Variants in LRRC37A2 observed in about 807,000 individuals in gnomAD.
The protein encoded by LRRC37A2 is leucine rich repeat containing 37 member A2, also known as leucine-rich repeat-containing protein 37A2.
Under a neutral mutation model 68.8 loss-of-function variants are expected in LRRC37A2, and 9 were observed. The observed-to-expected ratio is 0.13, with a 90% confidence interval of 0.08 to 0.23. The LOEUF is 0.23. Ranked by LOEUF, LRRC37A2 falls within the 10% of genes least tolerant of loss-of-function variation. The pLI is 1.00. For missense variants in LRRC37A2, 168 were observed against 950.4 expected (o/e 0.18, Z 10.82); for synonymous variants, 63 against 367.6 (o/e 0.17, Z 9.48).
chr17:46,879,185 G>A, the LRRC37A2 span, among the ~76,000 whole-genome samples: 4 of 152,222 alleles, frequency 2.6e-5, no homozygotes, highest in African/African-American at 9.6e-5. Flanking sequence ...TTCACAGACA[G>A]CACAGGTGGG....
At chr17:46,659,823 G>GT in the LRRC37A2 span, among the ~76,000 whole-genome samples, 3 of 142,460 alleles carry the variant, frequency 2.1e-5, no homozygotes, top group Non-Finnish European at 4.5e-5. Flanking sequence ...TCAGCATTGG[G>GT]GCCTTGTTTG....
chr17:46,900,204 CACACACACACACACACAT>C, the LRRC37A2 span, among the ~76,000 whole-genome samples: 1 of 112,078 alleles, frequency 8.9e-6, no homozygotes, highest in African/African-American at 4.5e-5. Flanking sequence ...TATATATATA[CACACACACACACACACAT>C]ATATATATAT....
chr17:47,020,564 G>C, the LRRC37A2 span, among the ~76,000 whole-genome samples: 1 of 150,818 alleles, frequency 6.6e-6, no homozygotes, highest in South Asian at 2.1e-4. Context: ...CGGATCACGA[G>C]GTCAGGAGAT....
chr17:46,777,318 T>C, the LRRC37A2 span, among the ~76,000 whole-genome samples: 1 of 152,360 alleles, frequency 6.6e-6, no homozygotes, highest in South Asian at 2.1e-4. Flanking sequence ...CTTGGGGGAC[T>C]GAGGAGTCGG....
chr17:46,820,480 A>AG, the LRRC37A2 span, among the ~76,000 whole-genome samples: 1 of 151,418 alleles, frequency 6.6e-6, no homozygotes, highest in Non-Finnish European at 1.5e-5. Context: ...AGAAAGGGGC[A>AG]GGGGGGAGGC....
chr17:46,961,491 C>T, the LRRC37A2 span, among the ~76,000 whole-genome samples: 1 of 152,042 alleles, frequency 6.6e-6, no homozygotes, highest in African/African-American at 2.4e-5. Context: ...GCTATGATCA[C>T]GCCATTGCAC....
the LRRC37A2 span, among the ~76,000 whole-genome samples, chr17:46,775,332 T>A: frequency 6.6e-6 from 1 of 152,174 alleles, no homozygotes; most frequent in Admixed American, 6.5e-5. Flanking sequence ...GGGTCCCTCC[T>A]CCATACTTGA....
At chr17:46,405,694 C>T in the LRRC37A2 span, among the ~76,000 whole-genome samples, 3 of 68,020 alleles carry the variant, frequency 4.4e-5, no homozygotes, top group Admixed American at 4.0e-4. Flanking sequence ...GCCGAGATCA[C>T]GCCACTGCAC....
chr17:46,866,971 C>G, the LRRC37A2 span, among the ~76,000 whole-genome samples: 400 of 152,314 alleles, frequency 2.6e-3, 2 homozygotes, highest in African/African-American at 9.3e-3. Flanking sequence ...CCTCTTGCCT[C>G]CTCCTCACCC....
chr17:46,721,083 C>T, the LRRC37A2 span, among the ~76,000 whole-genome samples: 1 of 152,202 alleles, frequency 6.6e-6, no homozygotes, highest in Non-Finnish European at 1.5e-5. Context: ...TTCAGACCTG[C>T]CCCTAATCCC....
chr17:46,743,355 C>G, the LRRC37A2 span, among the ~76,000 whole-genome samples: 1 of 152,192 alleles, frequency 6.6e-6, no homozygotes, highest in Non-Finnish European at 1.5e-5. Context: ...CCCACCTGTT[C>G]AGATGCTTGC....
At chr17:46,903,862 G>T in the LRRC37A2 span, among the ~76,000 whole-genome samples, 2 of 151,650 alleles carry the variant, frequency 1.3e-5, no homozygotes, top group Non-Finnish European at 2.9e-5. Context: ...GTGGGTGGAT[G>T]TAGGGATGAG....
At chr17:46,885,313 T>C in the LRRC37A2 span, 5 of 252,658 alleles carry the variant, frequency 2.0e-5, no homozygotes, top group African/African-American at 4.8e-5. Context: ...GCCAGCATTT[T>C]TTTTTTTGAG....
the LRRC37A2 span, among the ~76,000 whole-genome samples, chr17:46,801,001 A>T: frequency 6.6e-6 from 1 of 152,198 alleles, no homozygotes; most frequent in East Asian, 1.9e-4. Context: ...GTAACATGAA[A>T]TTAATGTCAG....
chr17:46,849,426 C>G, the LRRC37A2 span, among the ~76,000 whole-genome samples: 1 of 152,198 alleles, frequency 6.6e-6, no homozygotes, highest in Non-Finnish European at 1.5e-5. Flanking sequence ...TGAGCTGAAC[C>G]CACTCCATCC....
the LRRC37A2 span, among the ~76,000 whole-genome samples, chr17:46,831,777 C>T: frequency 7.9e-5 from 12 of 152,234 alleles, no homozygotes; most frequent in African/African-American, 1.4e-4. Flanking sequence ...TGTGTGTCCC[C>T]GGACAAGGCA....
At chr17:46,912,333 G>A in the LRRC37A2 span, among the ~76,000 whole-genome samples, 1 of 152,238 alleles carries the variant, frequency 6.6e-6, no homozygotes, top group Admixed American at 6.5e-5. Flanking sequence ...GCTCACAGGT[G>A]ATGGGGTTAA....
chr17:46,729,167 C>G, the LRRC37A2 span, among the ~76,000 whole-genome samples: 26 of 152,096 alleles, frequency 1.7e-4, no homozygotes, highest in Admixed American at 1.6e-3. Flanking sequence ...GTGTGGAATA[C>G]AACAATTAGC....
chr17:46,502,170 T>C, the LRRC37A2 span, among the ~76,000 whole-genome samples: 12,732 of 140,062 alleles, frequency 0.091, 5 homozygotes, highest in Middle Eastern at 0.14. Flanking sequence ...AGCTCATCGC[T>C]GATGCAGTAA....
Sources: gnomAD v4.1 joint callset for allele counts (sites outside exome capture counted in the v4.1 genomes callset) on GRCh38, gnomAD v4.1.1 for gene constraint, MANE v1.5 for transcripts, NCBI Gene and HGNC (gene_info 2026-07-23, HGNC 2026-07-21) for gene names.